Variants in GATA5 observed in about 807,000 individuals in gnomAD.
The protein encoded by GATA5 is GATA binding protein 5.
A neutral mutation model predicts 35.0 loss-of-function variants in GATA5; 27 were observed. The ratio of observed to expected loss-of-function variants is 0.77; its 90% CI spans 0.57 to 1.06. The LOEUF (loss-of-function observed/expected upper bound fraction) is 1.06. GATA5 is among the 50% of genes least tolerant of loss of function. GATA5 has a pLI of 0.00. For synonymous variants in GATA5, 306 were observed against 267.8 expected, an observed-to-expected ratio of 1.14 and a Z score of -1.39; for missense variants, 612 against 580.0, an observed-to-expected ratio of 1.06 and a Z score of -0.57.
chr20:62,464,911 G>A lies in GATA5; in HGVS notation c.1119C>T (p.Ser373=). Residue 373 remains serine, a synonymous_variant, in exon 7 of 7, where the codon TCC becomes TCT. Transcript: ENST00000252997. ...KFEPEDFAFP[S]TAPSPQAGLR... is the part of the protein sequence containing the mutation. ...GGCCAGCCTGGGGGCTTGGGGCCGT[G>A]GAGGGGAAGGCAAAGTCCTCAGGCT... 1 of 1,611,448 alleles carries A rather than the reference G, an allele frequency of 6.2e-7. No homozygotes were observed. Among genetic ancestry groups the A allele is most frequent in the African/African-American group, 1.3e-5 (1 of 74,892 alleles).
chr20:62,468,655 G>C (rs1479631510), intron 3 of GATA5, among the ~76,000 whole-genome samples: 1 of 152,282 alleles, frequency 6.6e-6, no homozygotes, highest in Non-Finnish European at 1.5e-5. Flanking sequence ...AATGAGGCCG[G>C]GGAGGCTTGA....
At chr20:62,471,575 T>C (rs1265797651) in intron 3 of GATA5, among the ~76,000 whole-genome samples, 8 of 150,354 alleles carry the variant, frequency 5.3e-5, no homozygotes, top group Admixed American at 1.3e-4. Context: ...GGACCATGGG[T>C]GTGTGCCATC....
At chr20:62,465,487 T>G in intron 5 of GATA5, 23 bp from the exon 6 acceptor site, 1 of 1,599,108 alleles carries the variant, frequency 6.3e-7, no homozygotes, top group Non-Finnish European at 8.5e-7. Flanking sequence ...AGGGGGTGTT[T>G]ACAGAGGGGT....
intron 3 of GATA5, among the ~76,000 whole-genome samples, chr20:62,467,069 A>G (rs970501521): frequency 1.3e-5 from 2 of 152,300 alleles, no homozygotes; most frequent in Admixed American, 6.5e-5. Flanking sequence ...ATTGCTGTGC[A>G]CTGCGCCTGG....
At position 62,465,831 on chromosome 20, in the gene GATA5, C is replaced by T; in HGVS notation, c.913+3G>A. On this transcript the variant is annotated splice_donor_region_variant and intron_variant, in intron 5 of 6. Transcript: ENST00000252997. ...GGGCTGACTGCAGGGCCTGGCCACG[C>T]ACCTGAGGAGCCCCTGGCCTTGGCG... is the stretch of plus-strand genomic sequence containing the variant. 1.3e-6 allele frequency: 2 copies of T among 1,579,846 alleles called. No homozygotes were observed. Among genetic ancestry groups the T allele is most frequent in the East Asian group, 2.3e-5 (1 of 43,404 alleles).
intron 4 of GATA5, 128 bp from the exon 5 acceptor site, chr20:62,466,049 G>A (rs1989579027): frequency 2.8e-6 from 2 of 703,978 alleles, no homozygotes; most frequent in Admixed American, 2.3e-5. Flanking sequence ...TCACAGCCCT[G>A]GTGGGTCAGC....
rs1365229683 is a variant in GATA5 at position 62,464,878 on chromosome 20, C to A, written c.1152G>T (p.Gly384=). ...TAPSPQAGLR[G]ALRQEAWCAL... ...CACACCAGGCCTCTTGGCGCAGAGC[C>A]CCCCTGAGGCCAGCCTGGGGGCTTG... Residue 384 remains glycine (G), a synonymous_variant, in exon 7 of 7, where the codon GGG becomes GGT. Transcript: ENST00000252997. 1.9e-6 allele frequency: 3 copies of A among 1,609,786 alleles called. No individual in the cohort carries two copies. The highest frequency in any genetic ancestry group is 2.5e-6 in the Non-Finnish European group (3 of 1,178,382).
At chr20:62,471,448 T>TTTTTTTTTTTTTTTTTTTTTG (rs1216745509) in intron 3 of GATA5, among the ~76,000 whole-genome samples, 3 of 142,272 alleles carry the variant, frequency 2.1e-5, no homozygotes, top group Non-Finnish European at 4.6e-5. Context: ...TTTTTTTTTT[T>TTTTTTTTTTTTTTTTTTTTTG]TGTGATGAGG....
rs574764628 is a variant in GATA5 at position 62,471,432 on chromosome 20, A to ATTTTTTTTTTTTTTTTTTTT, written c.699+1970_699+1971insAAAAAAAAAAAAAAAAAAAA. 6.1e-3 allele frequency among the ~76,000 whole-genome samples: 501 copies of ATTTTTTTTTTTTTTTTTTTT among 81,648 alleles called. 69 individuals are homozygous for ATTTTTTTTTTTTTTTTTTTT. The highest frequency in any genetic ancestry group is 0.019 in the Middle Eastern group (2 of 108). 53.6% of individuals were successfully genotyped at this position (81,648 alleles called of 152,430 possible). On this transcript the variant is annotated intron_variant, in intron 3 of 6. Coordinates refer to ENST00000252997, the MANE Select transcript of GATA5 (RefSeq NM_080473.5). Reference sequence around the variant, plus strand: ...TAAAGAGAAGTTAATTTCAATTACAATTTTTTTTTTTTTTTTTGTGATGAG... The same window carrying ATTTTTTTTTTTTTTTTTTTT: ...TAAAGAGAAGTTAATTTCAATTACAATTTTTTTTTTTTTTTTTTTTTTTTTTTTTTTTTTTTTGTGATGAG...
Position 62,473,510 on chromosome 20 carries a change from G to C in GATA5, c.592C>G (p.Pro198Ala). 6.2e-7 allele frequency: 1 copy of C among 1,609,010 alleles called. No individual in the cohort carries two copies. The highest frequency in any genetic ancestry group is 8.5e-7 in the Non-Finnish European group (1 of 1,178,304). ...ECVNCGALST[P>A]LWRRDGTGHY... ...CCGGTGCCGTCTCGGCGCCACAGCG[G>C]TGTGGACAGGGCCCCGCAGTTGACA... Residue 198 changes from proline to alanine, a missense_variant, in exon 3 of 7, where the codon CCG becomes GCG. Coordinates refer to ENST00000252997, the MANE Select transcript of GATA5 (RefSeq NM_080473.5).
chr20:62,471,903 T>C (rs1449891338), intron 3 of GATA5, among the ~76,000 whole-genome samples: 1 of 149,544 alleles, frequency 6.7e-6, no homozygotes, highest in African/African-American at 2.5e-5. Flanking sequence ...TAATTTCTTT[T>C]TTTTTTTTTT....
intron 3 of GATA5, among the ~76,000 whole-genome samples, chr20:62,469,905 G>A (rs1555896410): frequency 1.3e-5 from 2 of 152,168 alleles, no homozygotes; most frequent in African/African-American, 4.8e-5. Context: ...TAGGGGACAC[G>A]CTCCCAGCAG....
Position 62,475,100 on chromosome 20 carries a change from G to C in GATA5, c.422C>G (p.Thr141Ser). ...GRPVGTSYSA[T>S]YPAYVSPDVA... ...GTCGGGGCTCACGTAGGCCGGGTAGGTGGCGGAGTACGAGGTCCCCACCGG... is the reference window on the plus strand; with the variant it reads ...GTCGGGGCTCACGTAGGCCGGGTAGCTGGCGGAGTACGAGGTCCCCACCGG... The change falls in exon 2 of 7, where the codon ACC becomes AGC. Residue 141 changes from threonine (T) to serine (S), a missense_variant. Physicochemically the swap from Thr to Ser is moderately conservative, Grantham distance 58 (BLOSUM62 1). Coordinates refer to ENST00000252997, the MANE Select transcript of GATA5 (RefSeq NM_080473.5). The C allele has an allele frequency of 7.1e-7, 1 of 1,401,058 alleles. No homozygotes were observed. The highest frequency in any genetic ancestry group is 9.3e-7 in the Non-Finnish European group (1 of 1,074,334). 86.8% of individuals were successfully genotyped at this position (1,401,058 alleles called of 1,614,324 possible).
At chr20:62,469,512 C>T (rs1247156428) in intron 3 of GATA5, among the ~76,000 whole-genome samples, 4 of 152,222 alleles carry the variant, frequency 2.6e-5, no homozygotes, top group African/African-American at 7.2e-5. Flanking sequence ...CCCCGCACAG[C>T]TGCCAGCACG....
chr20:62,472,849 C>T (rs969385679), intron 3 of GATA5, among the ~76,000 whole-genome samples: 2 of 94,596 alleles, frequency 2.1e-5, no homozygotes, highest in African/African-American at 7.2e-5. Context: ...CAGGCATAAA[C>T]CTGGTGTCCC....
chr20:62,465,201 C>T, intron 6 of GATA5, 139 bp downstream of exon 6: 1 of 1,034,450 alleles, frequency 9.7e-7, no homozygotes, highest in Non-Finnish European at 1.4e-6. Context: ...GAAGGGCCAC[C>T]ATACTGATGG....
At chr20:62,465,942 G>A (rs1989576427) in intron 4 of GATA5, 21 bp from the exon 5 acceptor site, 1 of 1,544,780 alleles carries the variant, frequency 6.5e-7, no homozygotes, top group Admixed American at 1.9e-5. Flanking sequence ...TGGCGAGGGT[G>A]GAGGCTGGTC....
chr20:62,464,850 G>A lies in GATA5; in HGVS notation c.1180C>T (p.Leu394=). 2 of 1,605,440 alleles carry A rather than the reference G, an allele frequency of 1.2e-6. No homozygotes were observed. Among genetic ancestry groups the A allele is most frequent in the Non-Finnish European group, 1.7e-6 (2 of 1,175,752 alleles). The change falls in exon 7 of 7, where the codon CTG becomes TTG. Residue 394 remains leucine, a synonymous_variant. Coordinates refer to ENST00000252997, the MANE Select transcript of GATA5 (RefSeq NM_080473.5). ...GGCCTGGGGACCTAGGCCAAGGCCA[G>A]CGCACACCAGGCCTCTTGGCGCAGA... ...GALRQEAWCA[L]ALA is the part of the protein sequence containing the mutation.
At chr20:62,469,351 C>A (rs1989668285) in intron 3 of GATA5, among the ~76,000 whole-genome samples, 1 of 152,214 alleles carries the variant, frequency 6.6e-6, no homozygotes, top group Admixed American at 6.5e-5. Context: ...CCTCCTTGTG[C>A]CCCAGCAGTC....
Sources: allele counts gnomAD v4.1 joint callset (sites outside exome capture counted in the v4.1 genomes callset), GRCh38; gene constraint gnomAD v4.1.1; transcripts MANE v1.5; gene names NCBI Gene and HGNC (gene_info 2026-07-23, HGNC 2026-07-21).